XRCC4: variants seen among roughly 807,000 people sequenced by gnomAD.
The protein encoded by XRCC4 is X-ray repair cross complementing 4, also known as DNA repair protein XRCC4.
Under a neutral mutation model 39.1 loss-of-function variants are expected in XRCC4, and 28 were observed. The observed-to-expected ratio is 0.72, with a 90% CI of 0.53 to 0.98. XRCC4 has a LOEUF of 0.98. Ranked by LOEUF, XRCC4 falls within the 50% of genes least tolerant of loss-of-function variation. The probability of loss-of-function intolerance (pLI) is 0.00; values close to 1 mark genes in which losing one functional copy is unlikely to be tolerated. For missense variants in XRCC4, 350 were observed against 376.4 expected (o/e 0.93, Z 0.58); for synonymous variants, 123 against 126.4 (o/e 0.97, Z 0.18).
chr5:83,086,369 G>A (rs79456441), intron 1 of XRCC4, among the ~76,000 whole-genome samples: 1,544 of 152,238 alleles, frequency 0.01, 18 homozygotes, highest in African/African-American at 0.036. Flanking sequence ...AACATAAACA[G>A]TTGATTAACA....
chr5:83,121,344 A>G (rs1045264145), intron 3 of XRCC4, among the ~76,000 whole-genome samples: 1 of 152,176 alleles, frequency 6.6e-6, no homozygotes, highest in African/African-American at 2.4e-5. Context: ...TAGCTTTTTA[A>G]GAAACTGCCC....
chr5:83,271,410 G>T lies in XRCC4; in HGVS notation c.893+12733G>T, dbSNP rs2053680. ...ATAGCATAAAGTCATTCTTATTTTT[G>T]TGTTTTATTTTGTCTACTTGTTCCA... is the stretch of plus-strand genomic sequence containing the variant. On this transcript the variant is annotated intron_variant, in intron 7 of 7. Transcript: ENST00000396027. Among the ~76,000 whole-genome samples, 557 of 152,116 alleles carry T rather than the reference G, an allele frequency of 3.7e-3. 12 individuals carry two copies. In the East Asian group the frequency reaches 0.072, roughly 20 times the overall value.
At position 83,108,402 on chromosome 5, in the gene XRCC4, C is replaced by T. The variant is rs576366530; in HGVS notation, c.140-2626C>T. On this transcript the variant is annotated intron_variant, in intron 2 of 7. Coordinates refer to ENST00000396027, the MANE Select transcript of XRCC4 (RefSeq NM_003401.5). ...TTTACATAATTAATTTCCTTTCATA[C>T]GTTTTTTTCTCCTTCAAAAATTAAA... is the stretch of plus-strand genomic sequence containing the variant. Among the ~76,000 whole-genome samples the T allele has an allele frequency of 1.5e-4, 23 of 151,792 alleles. No individual in the cohort carries two copies. The South Asian group carries it at 3.3e-3, about 22-fold the overall frequency.
At chr5:83,267,083 A>G (rs1753982773) in intron 7 of XRCC4, among the ~76,000 whole-genome samples, 2 of 152,152 alleles carry the variant, frequency 1.3e-5, no homozygotes, top group South Asian at 4.1e-4. Flanking sequence ...TATGAAAGCT[A>G]TGAAATTTCA....
chr5:83,212,942 C>A (rs3955853), intron 6 of XRCC4, among the ~76,000 whole-genome samples: 7,060 of 134,708 alleles, frequency 0.052, 253 homozygotes, highest in South Asian at 0.14. Context: ...AAAAAAAAAA[C>A]ACCAAAATAA....
At position 83,353,755 on chromosome 5, in the gene XRCC4, A is replaced by G. The variant is rs1262592421; in HGVS notation, c.*513A>G. 1.3e-5 allele frequency: 2 copies of G among 152,208 alleles called. No homozygotes were observed. The highest frequency in any genetic ancestry group is 2.1e-4 in the South Asian group (1 of 4,832). The allele number at this position is 152,208 out of a possible 1,614,324, so 9.4% of individuals were successfully genotyped here. The stretch of plus-strand genomic sequence containing the variant: ...AATCTGATAATAAAATTTTTGATAC[A>G]TTGAAGATTTTGTGTTTTTAATAAA... On this transcript the variant is annotated 3_prime_UTR_variant, in exon 8 of 8. Coordinates refer to ENST00000396027, the MANE Select transcript of XRCC4 (RefSeq NM_003401.5).
chr5:83,370,710 A>G, the XRCC4 span, among the ~76,000 whole-genome samples: 2 of 152,070 alleles, frequency 1.3e-5, no homozygotes, highest in Non-Finnish European at 2.9e-5. Context: ...TTTCATCTCC[A>G]TGACTAAGCA....
At chr5:83,342,946 T>C (rs972203981) in intron 7 of XRCC4, among the ~76,000 whole-genome samples, 4 of 152,176 alleles carry the variant, frequency 2.6e-5, no homozygotes, top group African/African-American at 9.7e-5. Flanking sequence ...TTAAGGTCAA[T>C]CTGATAGCTG....
chr5:83,331,816 G>T (rs1169998715), intron 7 of XRCC4, among the ~76,000 whole-genome samples: 1 of 152,018 alleles, frequency 6.6e-6, no homozygotes, highest in African/African-American at 2.4e-5. Flanking sequence ...AAAGATAATT[G>T]ACTGAAAAAA....
chr5:83,204,552 A>C (rs1751343745), intron 5 of XRCC4, among the ~76,000 whole-genome samples: 1 of 152,134 alleles, frequency 6.6e-6, no homozygotes, highest in Non-Finnish European at 1.5e-5. Context: ...TGATGGAAGA[A>C]TAGTACCTGA....
At chr5:83,249,211 G>A (rs931672835) in intron 6 of XRCC4, among the ~76,000 whole-genome samples, 2 of 152,050 alleles carry the variant, frequency 1.3e-5, no homozygotes, top group Non-Finnish European at 2.9e-5. Flanking sequence ...ATGACTAACA[G>A]ACTCAAGTTT....
intron 6 of XRCC4, among the ~76,000 whole-genome samples, chr5:83,236,459 T>C (rs190144535): frequency 2.6e-5 from 4 of 152,046 alleles, no homozygotes; most frequent in Admixed American, 2.6e-4. Flanking sequence ...ACCAAGAACA[T>C]ACATGGGGAA....
At chr5:83,192,266 A>ACG (rs1750736734) in intron 3 of XRCC4, among the ~76,000 whole-genome samples, 4 of 147,446 alleles carry the variant, frequency 2.7e-5, no homozygotes, top group African/African-American at 7.4e-5. Context: ...ACGTATACAT[A>ACG]TGTATACATA....
At chr5:83,208,158 A>C (rs1427774196) in intron 6 of XRCC4, among the ~76,000 whole-genome samples, 1 of 151,980 alleles carries the variant, frequency 6.6e-6, no homozygotes, top group Non-Finnish European at 1.5e-5. Context: ...GATAAAATAG[A>C]GGTTTAGTGA....
At chr5:83,152,488 C>T (rs1021573212) in intron 3 of XRCC4, among the ~76,000 whole-genome samples, 1 of 151,982 alleles carries the variant, frequency 6.6e-6, no homozygotes, top group Non-Finnish European at 1.5e-5. Context: ...CAAAAATTAG[C>T]TGGGCTTGGT....
chr5:83,199,684 A>T (rs945034247), intron 4 of XRCC4, among the ~76,000 whole-genome samples: 6 of 151,776 alleles, frequency 4.0e-5, no homozygotes, highest in Non-Finnish European at 8.8e-5. Flanking sequence ...TTGACATGTT[A>T]TTCTTAGATT....
chr5:83,113,032 C>G (rs12188344), intron 3 of XRCC4, among the ~76,000 whole-genome samples: 85,653 of 151,914 alleles, frequency 0.56, 24,705 homozygotes, highest in African/African-American at 0.69. Context: ...CATTAACTCA[C>G]AAGTCCACAG....
chr5:83,218,102 G>A (rs1751937628), intron 6 of XRCC4, among the ~76,000 whole-genome samples: 1 of 146,660 alleles, frequency 6.8e-6, no homozygotes, highest in African/African-American at 2.6e-5. Flanking sequence ...AAGTTCTAGG[G>A]TACATGTGCA....
At chr5:83,132,522 C>G (rs1561350369) in intron 3 of XRCC4, among the ~76,000 whole-genome samples, 1 of 152,020 alleles carries the variant, frequency 6.6e-6, no homozygotes, top group Non-Finnish European at 1.5e-5. Context: ...GTACACCAAT[C>G]AGACGTAGGT....
Sources: allele counts gnomAD v4.1 joint callset (sites outside exome capture counted in the v4.1 genomes callset), GRCh38; gene constraint gnomAD v4.1.1; transcripts MANE v1.5; gene names NCBI Gene and HGNC (gene_info 2026-07-23, HGNC 2026-07-21).